NLGN4X: variants seen among roughly 807,000 people sequenced by gnomAD.
The protein encoded by NLGN4X is neuroligin-4, X-linked.
In NLGN4X, 3 loss-of-function variants were observed where a neutral mutation model predicts 40.3. The ratio of observed to expected loss-of-function variants is 0.07; its 90% CI spans 0.03 to 0.19. The LOEUF is 0.19. Ranked by LOEUF, NLGN4X falls within the 10% of genes least tolerant of loss-of-function variation. The pLI is 1.00. For synonymous variants in NLGN4X, 270 were observed against 306.8 expected, an observed-to-expected ratio of 0.88 and a Z score of 1.25; for missense variants, 382 against 708.3, an observed-to-expected ratio of 0.54 and a Z score of 5.23.
chrX:5,951,620 T>C (rs1341836594), intron 3 of NLGN4X, among the ~76,000 whole-genome samples: 1 of 111,217 alleles, frequency 9.0e-6, no homozygotes, highest in Non-Finnish European at 1.9e-5. Flanking sequence ...AAGTCCAAGA[T>C]CAAGGCATGG....
At chrX:6,219,786 A>G (rs1486845066) in intron 1 of NLGN4X, among the ~76,000 whole-genome samples, 1 of 111,707 alleles carries the variant, frequency 9.0e-6, no homozygotes, top group East Asian at 2.8e-4. Flanking sequence ...ATCAAATAGG[A>G]AAGAGTAATG....
intron 2 of NLGN4X, among the ~76,000 whole-genome samples, chrX:6,103,811 T>C (rs947671246): frequency 4.4e-5 from 5 of 112,361 alleles, no homozygotes; most frequent in African/African-American, 1.6e-4. Context: ...AAAACATTAA[T>C]AGTCACTAGT....
At chrX:6,054,330 G>A (rs1290020067) in intron 2 of NLGN4X, among the ~76,000 whole-genome samples, 1 of 111,555 alleles carries the variant, frequency 9.0e-6, no homozygotes, top group African/African-American at 3.3e-5. Context: ...AAAAACAGCA[G>A]CCAAATGGCT....
chrX:6,128,879 A>G (rs1251693267), intron 2 of NLGN4X, among the ~76,000 whole-genome samples: 2 of 112,248 alleles, frequency 1.8e-5, no homozygotes, highest in Non-Finnish European at 3.8e-5. Context: ...CTATATATAT[A>G]TGCATTCTTC....
intron 1 of NLGN4X, among the ~76,000 whole-genome samples, chrX:6,200,244 C>G (rs764638640): frequency 7.1e-5 from 8 of 111,969 alleles, no homozygotes; most frequent in Non-Finnish European, 1.1e-4. Context: ...AATAAAAAAG[C>G]CTTTGAGATC....
intron 3 of NLGN4X, among the ~76,000 whole-genome samples, chrX:5,962,048 G>A (rs754924670): frequency 8.9e-6 from 1 of 112,044 alleles, no homozygotes; most frequent in South Asian, 3.7e-4. Context: ...CTGTCTCCAT[G>A]TTACTGTAAA....
At chrX:6,170,508 C>T (rs769156153) in intron 1 of NLGN4X, among the ~76,000 whole-genome samples, 6 of 111,690 alleles carry the variant, frequency 5.4e-5, no homozygotes, top group Non-Finnish European at 1.1e-4. Flanking sequence ...ATTCACATAC[C>T]ATTCAATCTT....
At chrX:6,167,926 G>A (rs56295035) in intron 1 of NLGN4X, among the ~76,000 whole-genome samples, 12,677 of 111,233 alleles carry the variant, frequency 0.11, 573 homozygotes, top group Admixed American at 0.15. Context: ...AAATATGTCC[G>A]TGGGAAGATT....
chrX:6,168,660 G>A (rs1260072968), intron 1 of NLGN4X, among the ~76,000 whole-genome samples: 1 of 111,333 alleles, frequency 9.0e-6, no homozygotes, highest in African/African-American at 3.3e-5. Context: ...ATTTTTTGAA[G>A]AGATGGGTCT....
intron 2 of NLGN4X, among the ~76,000 whole-genome samples, chrX:6,138,889 T>C (rs768799219): frequency 2.4e-4 from 26 of 107,824 alleles, no homozygotes; most frequent in African/African-American, 8.3e-4. Flanking sequence ...TCCCCTCTTA[T>C]AAAGCAAAAC....
At chrX:5,968,438 C>CCTCT (rs758256758) in intron 3 of NLGN4X, among the ~76,000 whole-genome samples, 935 of 15,030 alleles carry the variant, frequency 0.062, 69 homozygotes, top group Non-Finnish European at 0.084. Context: ...TGTAAGTACC[C>CCTCT]CTCTCTCTCT....
At chrX:6,000,591 C>T (rs1489104623) in intron 3 of NLGN4X, among the ~76,000 whole-genome samples, 10 of 111,333 alleles carry the variant, frequency 9.0e-5, no homozygotes, top group Admixed American at 1.9e-4. Flanking sequence ...GGAACAACAA[C>T]GCCAGGCAAA....
chrX:5,969,419 A>G (rs761442243), intron 3 of NLGN4X, among the ~76,000 whole-genome samples: 6 of 112,080 alleles, frequency 5.4e-5, no homozygotes, highest in African/African-American at 1.6e-4. Flanking sequence ...AGACACATGA[A>G]AAAATGCTCA....
chrX:6,131,076 A>G, intron 2 of NLGN4X, among the ~76,000 whole-genome samples: 1 of 111,667 alleles, frequency 9.0e-6, no homozygotes, highest in Admixed American at 9.6e-5. Context: ...AAATACACCT[A>G]TGGATACTCT....
chrX:5,961,937 C>T (rs1049666405), intron 3 of NLGN4X, among the ~76,000 whole-genome samples: 8 of 112,060 alleles, frequency 7.1e-5, no homozygotes, highest in Admixed American at 1.9e-4. Flanking sequence ...CATCTCTCTA[C>T]GATATGTGAT....
Position 6,188,524 on chromosome X carries a change from C to CT in NLGN4X, c.-305-36754dup, listed in dbSNP as rs566429703. Among the ~76,000 whole-genome samples the CT allele has an allele frequency of 8.6e-4, 89 of 103,107 alleles. No homozygotes were observed. The South Asian group carries it at 0.022, about 25-fold the overall frequency. The allele number at this position is 103,107 out of a possible 115,157, so 89.5% of individuals were successfully genotyped here. On this transcript the variant is annotated intron_variant, in intron 1 of 5. Coordinates refer to ENST00000381095, the MANE Select transcript of NLGN4X (RefSeq NM_181332.3). ...TTTGTAATAACATTCAAATACTGTCCTTTTTTTTTTTTAGTCGTTGATTCC... is the reference window on the plus strand; with the variant it reads ...TTTGTAATAACATTCAAATACTGTCCTTTTTTTTTTTTTAGTCGTTGATTCC...
At chrX:5,942,918 G>C (rs146303889) in intron 3 of NLGN4X, among the ~76,000 whole-genome samples, 1 of 110,960 alleles carries the variant, frequency 9.0e-6, no homozygotes, top group Non-Finnish European at 1.9e-5. Context: ...CAAGATTCTC[G>C]TTCCCCTGGT....
chrX:6,122,329 C>A (rs1203470396), intron 2 of NLGN4X, among the ~76,000 whole-genome samples: 1 of 111,807 alleles, frequency 8.9e-6, no homozygotes, highest in African/African-American at 3.3e-5. Flanking sequence ...ACCTCTGCCT[C>A]CCGGGTTCAA....
intron 2 of NLGN4X, among the ~76,000 whole-genome samples, chrX:6,130,424 A>G (rs985825584): frequency 2.7e-5 from 3 of 112,110 alleles, no homozygotes; most frequent in African/African-American, 9.7e-5. Flanking sequence ...CATAATTTTG[A>G]CACCAACCTT....
Sources: gnomAD v4.1 joint callset for allele counts (sites outside exome capture counted in the v4.1 genomes callset) on GRCh38, gnomAD v4.1.1 for gene constraint, MANE v1.5 for transcripts, NCBI Gene and HGNC (gene_info 2026-07-23, HGNC 2026-07-21) for gene names.